The following GIMD1 variants were observed in gnomAD, a reference collection of about 807,000 sequenced individuals.
The protein encoded by GIMD1 is GTPase IMAP family member GIMD1.
In GIMD1, 14 loss-of-function variants were observed where a neutral mutation model predicts 14.9. That is an observed-to-expected ratio of 0.94 (90% CI 0.62 to 1.47). The LOEUF (loss-of-function observed/expected upper bound fraction) is 1.47, where lower values mean the gene tolerates loss of function less well. GIMD1 is among the 40% of genes most tolerant of loss of function. The pLI is 0.00. For synonymous variants in GIMD1, 91 were observed against 90.5 expected, an observed-to-expected ratio of 1.01 and a Z score of -0.03; for missense variants, 272 against 255.3, an observed-to-expected ratio of 1.07 and a Z score of -0.44.
chr4:106,363,399 G>T (rs1770643604), intron 2 of GIMD1, among the ~76,000 whole-genome samples: 1 of 152,016 alleles, frequency 6.6e-6, no homozygotes, highest in African/African-American at 2.4e-5. Context: ...GAATACTTTA[G>T]AACCCATCTC....
In GIMD1 at chr4:106,358,346, T is replaced by G; in HGVS notation, c.491A>C (p.His164Pro). The G allele has an allele frequency of 1.3e-6, 2 of 1,534,044 alleles. No homozygotes were observed. Among genetic ancestry groups the G allele is most frequent in the African/African-American group, 2.7e-5 (2 of 73,030 alleles). Residue 164 changes from histidine (H) to proline (P), a missense_variant, in exon 3 of 3, where the codon CAT becomes CCT. Physicochemically the swap from His to Pro is moderately conservative, Grantham distance 77 (BLOSUM62 -2). Coordinates refer to ENST00000638719, the MANE Select transcript of GIMD1 (RefSeq NM_001195138.2). ...EAGLTEDKYL[H>P]EASDTLKTLL... is the part of the protein sequence containing the mutation. ...CGTTTTCAGGGTATCAGAGGCCTCA[T>G]GTAAATATTTATCTTCAGTAAGCCC...
Position 106,367,254 on chromosome 4 carries a change from C to G in GIMD1, c.182G>C (p.Arg61Pro). 6.5e-7 allele frequency: 1 copy of G among 1,535,908 alleles called. No homozygotes were observed. The highest frequency in any genetic ancestry group is 8.7e-7 in the Non-Finnish European group (1 of 1,146,804). Residue 61 changes from arginine (R) to proline (P), a missense_variant, in exon 2 of 3, where the codon CGA becomes CCA. Coordinates refer to ENST00000638719, the MANE Select transcript of GIMD1 (RefSeq NM_001195138.2). ...CTGCAGGGCTACCTCTAGCCCACCT[C>G]GACGCATGAAGCTGTGGAGGTGACA... ...RSCHLHSFMR[R>P]GGLEVALQVQ...
chr4:106,363,983 T>C (rs1477289026), intron 2 of GIMD1, among the ~76,000 whole-genome samples: 1 of 151,850 alleles, frequency 6.6e-6, no homozygotes, highest in African/African-American at 2.4e-5. Context: ...GACTATATTA[T>C]ATCTTCTCTG....
Position 106,367,161 on chromosome 4 carries a change from A to T in GIMD1, c.275T>A (p.Val92Asp), listed in dbSNP as rs1371872141. 2.6e-6 allele frequency: 4 copies of T among 1,535,476 alleles called. No individual in the cohort carries two copies. Among genetic ancestry groups the T allele is most frequent in the Non-Finnish European group, 3.5e-6 (4 of 1,146,758 alleles). Residue 92 changes from valine to aspartate, a missense_variant, in exon 2 of 3, where the codon GTC (valine) becomes GAC (aspartate). Physicochemically the swap from Val to Asp is radical, Grantham distance 152. Coordinates refer to ENST00000638719, the MANE Select transcript of GIMD1 (RefSeq NM_001195138.2). ...RLSKKYVKQEVKEALAHHFGQ... is the reference protein window; with the variant it reads ...RLSKKYVKQEDKEALAHHFGQ... ...GAAGTGATGTGCCAGAGCCTCTTTG[A>T]CTTCCTGTTTCACATACTTCTTGCT... is the stretch of plus-strand genomic sequence containing the variant.
intron 2 of GIMD1, 72 bp downstream of exon 2, chr4:106,366,971 A>T (rs1487060370): frequency 5.3e-6 from 2 of 379,958 alleles, no homozygotes; most frequent in African/African-American, 4.2e-5. Flanking sequence ...TATTATTATT[A>T]TTATTATACT....
At chr4:106,360,830 A>G (rs537796138) in intron 2 of GIMD1, among the ~76,000 whole-genome samples, 1 of 152,196 alleles carries the variant, frequency 6.6e-6, no homozygotes, top group Non-Finnish European at 1.5e-5. Context: ...CACAGCTATC[A>G]GAAGGAGACA....
intron 2 of GIMD1, among the ~76,000 whole-genome samples, chr4:106,365,937 G>GTA (rs1770693576): frequency 7.4e-6 from 1 of 135,192 alleles, no homozygotes; most frequent in African/African-American, 3.0e-5. Context: ...GTACACACAC[G>GTA]TACACACACA....
chr4:106,360,723 A>T (rs1770600643), intron 2 of GIMD1, among the ~76,000 whole-genome samples: 1 of 152,008 alleles, frequency 6.6e-6, no homozygotes, highest in Non-Finnish European at 1.5e-5. Flanking sequence ...AAAAAAAGGG[A>T]AATTTGGGCA....
rs762068266 is a variant in GIMD1 at position 106,367,060 on chromosome 4, G to A, written c.376C>T (p.Pro126Ser). The A allele has an allele frequency of 6.5e-6, 10 of 1,528,154 alleles. No homozygotes were observed. In the South Asian group the frequency reaches 1.1e-4, roughly 17 times the overall value. The allele number at this position is 1,528,154 out of a possible 1,614,324, so 94.7% of individuals were successfully genotyped here. ...VPFCGQEVTD[P>S]VQMIQELLGH... is the part of the protein sequence containing the mutation. ...AGTATTACCTGGATCATCTGGACTG[G>A]GTCAGTTACTTCCTGCCCACAGAAA... is the stretch of plus-strand genomic sequence containing the variant. Residue 126 changes from proline (P) to serine (S), a missense_variant, in exon 2 of 3, where the codon CCA becomes TCA. Physicochemically the swap from Pro to Ser is moderately conservative, Grantham distance 74. Coordinates refer to ENST00000638719, the MANE Select transcript of GIMD1 (RefSeq NM_001195138.2).
rs185025637 is a variant in GIMD1, at chr4:106,366,563, C to G, written c.393+480G>C. Among the ~76,000 whole-genome samples the G allele has an allele frequency of 8.5e-4, 130 of 152,246 alleles. 1 individual carries two copies. Among genetic ancestry groups the G allele is most frequent in the African/African-American group, 3.0e-3 (126 of 41,570 alleles). ...TGTTTAAGTTCAACGGTTCTACGACCTGACTGTTTTTGAGAAATACATGGA... is the reference window on the plus strand; with the variant it reads ...TGTTTAAGTTCAACGGTTCTACGACGTGACTGTTTTTGAGAAATACATGGA... On this transcript the variant is annotated intron_variant, in intron 2 of 2. Coordinates refer to ENST00000638719, the MANE Select transcript of GIMD1 (RefSeq NM_001195138.2).
chr4:106,362,499 C>T (rs1277957888), intron 2 of GIMD1, among the ~76,000 whole-genome samples: 1 of 152,014 alleles, frequency 6.6e-6, no homozygotes, highest in Non-Finnish European at 1.5e-5. Context: ...GGTTTGAGTG[C>T]TAATGGGTAT....
rs753512238 is a variant in GIMD1 at position 106,367,212 on chromosome 4, G to A, written c.224C>T (p.Thr75Ile). The A allele has an allele frequency of 2.6e-6, 4 of 1,535,672 alleles. No individual in the cohort carries two copies. Among genetic ancestry groups the A allele is most frequent in the Middle Eastern group, 1.7e-4 (1 of 6,012 alleles). Residue 75 changes from threonine to isoleucine, a missense_variant, in exon 2 of 3, where the codon ACT becomes ATT. Coordinates refer to ENST00000638719, the MANE Select transcript of GIMD1 (RefSeq NM_001195138.2). ...CAGCCTGCTGTGTGGATAACCTGGAGTGTCCAACACCTGGACCTGCAGGGC... is the reference window on the plus strand; with the variant it reads ...CAGCCTGCTGTGTGGATAACCTGGAATGTCCAACACCTGGACCTGCAGGGC... Reference protein sequence around the residue: ...EVALQVQVLDTPGYPHSRLSK... With the variant: ...EVALQVQVLDIPGYPHSRLSK...
intron 1 of GIMD1, among the ~76,000 whole-genome samples, chr4:106,368,369 A>T (rs3018066): frequency 6.6e-6 from 1 of 151,938 alleles, no homozygotes; most frequent in Non-Finnish European, 1.5e-5. Flanking sequence ...CCACGCTACC[A>T]ATTCAGAAAT....
intron 2 of GIMD1, 80 bp downstream of exon 2, chr4:106,366,957 ATATTAT>A (rs1157215301): frequency 3.2e-5 from 10 of 308,102 alleles, no homozygotes; most frequent in Non-Finnish European, 4.8e-5. Context: ...AATAATAATA[ATATTAT>A]TATTATTATT....
intron 2 of GIMD1, among the ~76,000 whole-genome samples, chr4:106,361,219 T>C (rs1431465452): frequency 6.6e-6 from 1 of 152,106 alleles, no homozygotes; most frequent in East Asian, 1.9e-4. Context: ...GACAGACATA[T>C]TCTGTTTACA....
In GIMD1 at chr4:106,367,213, T is replaced by G. The variant is rs756931071; in HGVS notation, c.223A>C (p.Thr75Pro). 45 of 1,535,468 alleles carry G rather than the reference T, an allele frequency of 2.9e-5. 1 individual carries two copies. The South Asian group carries it at 5.4e-4, about 18-fold the overall frequency. ...EVALQVQVLD[T>P]PGYPHSRLSK... ...AGCCTGCTGTGTGGATAACCTGGAGTGTCCAACACCTGGACCTGCAGGGCT... is the reference window on the plus strand; with the variant it reads ...AGCCTGCTGTGTGGATAACCTGGAGGGTCCAACACCTGGACCTGCAGGGCT... Residue 75 changes from threonine to proline, a missense_variant, in exon 2 of 3, where the codon ACT becomes CCT. Transcript: ENST00000638719.
Position 106,367,166 on chromosome 4 carries a change from C to T in GIMD1, c.270G>A (p.Gln90=). The T allele has an allele frequency of 6.5e-7, 1 of 1,535,810 alleles. No individual in the cohort carries two copies. The change falls in exon 2 of 3, where the codon CAG becomes CAA. Residue 90 remains glutamine, a synonymous_variant. Transcript: ENST00000638719. ...HSRLSKKYVK[Q]EVKEALAHHF... is the part of the protein sequence containing the mutation. ...GATGTGCCAGAGCCTCTTTGACTTC[C>T]TGTTTCACATACTTCTTGCTCAGCC... is the stretch of plus-strand genomic sequence containing the variant.
rs1302009870 is a variant in GIMD1, at chr4:106,367,440, G to A, written c.-2-3C>T. 5 of 1,522,552 alleles carry A rather than the reference G, an allele frequency of 3.3e-6. No homozygotes were observed. The highest frequency in any genetic ancestry group is 4.4e-6 in the Non-Finnish European group (5 of 1,138,336). The allele number at this position is 1,522,552 out of a possible 1,614,324, so 94.3% of individuals were successfully genotyped here. ...CATCTTGTTGGGGTCTGTCATGGCT[G>A]TAGGAAAACAAAGGCATAGCACGCA... On this transcript the variant is annotated splice_region_variant and splice_polypyrimidine_tract_variant and intron_variant, in intron 1 of 2. Transcript: ENST00000638719.
intron 2 of GIMD1, among the ~76,000 whole-genome samples, chr4:106,366,821 G>T (rs1296544966): frequency 6.6e-6 from 1 of 151,418 alleles, no homozygotes; most frequent in African/African-American, 2.4e-5. Context: ...TGACTGATTG[G>T]GTTCCTCTGA....
Sources: allele counts gnomAD v4.1 joint callset (sites outside exome capture counted in the v4.1 genomes callset), GRCh38; gene constraint gnomAD v4.1.1; transcripts MANE v1.5; gene names NCBI Gene and HGNC (gene_info 2026-07-23, HGNC 2026-07-21).